The following SESN2 variants were observed in gnomAD, a reference collection of about 807,000 sequenced individuals.
SESN2 encodes sestrin-2.
In SESN2, 42 loss-of-function variants were observed where a neutral mutation model predicts 56.0. That is an observed-to-expected ratio of 0.75 (90% CI 0.59 to 0.97). The LOEUF is 0.97. Ranked by LOEUF, SESN2 falls within the 50% of genes least tolerant of loss-of-function variation. The pLI is 0.00. For missense variants in SESN2, 507 were observed against 649.4 expected, an observed-to-expected ratio of 0.78 and a Z score of 2.38; for synonymous variants, 264 against 267.1, an observed-to-expected ratio of 0.99 and a Z score of 0.11.
chr1:28,272,691 C>T lies in SESN2; in HGVS notation c.648C>T (p.Ile216=), dbSNP rs1189771675. 5.6e-6 allele frequency: 9 copies of T among 1,613,858 alleles called. No homozygotes were observed. In the African/African-American group the frequency reaches 1.2e-4, roughly 22 times the overall value. Residue 216 remains isoleucine, a synonymous_variant, in exon 5 of 10, where the codon ATC becomes ATT. Coordinates refer to ENST00000253063, the MANE Select transcript of SESN2 (RefSeq NM_031459.5). ...CCTCCTTCGTGTTTGGCTGTGGCAT[C>T]CTCCCTGAGGGGGATGCAGATGGCA... ...SLSSFVFGCG[I]LPEGDADGSP...
rs1229757667 is a variant in SESN2 at position 28,279,157 on chromosome 1, T to C, written c.1272T>C (p.Tyr424=). Residue 424 remains tyrosine (Y), a synonymous_variant, in exon 9 of 10, where the codon TAT becomes TAC. Transcript: ENST00000253063. Reference sequence around the variant, plus strand: ...TCCTGGAGCGGAACCTCAAGGTCTATATCAAGACAGTGGCCTGCTACCCAG... The same window carrying C: ...TCCTGGAGCGGAACCTCAAGGTCTACATCAAGACAGTGGCCTGCTACCCAG... ...NQLLERNLKV[Y]IKTVACYPEK... 13 of 1,614,160 alleles carry C rather than the reference T, an allele frequency of 8.1e-6. No individual in the cohort carries two copies. Among genetic ancestry groups the C allele is most frequent in the East Asian group, 2.2e-5 (1 of 44,886 alleles).
intron 2 of SESN2, among the ~76,000 whole-genome samples, chr1:28,270,498 ATTAT>A (rs1159068389): frequency 6.6e-6 from 1 of 151,974 alleles, no homozygotes. Flanking sequence ...CCACTTGCCG[ATTAT>A]TTATGTCTGT....
chr1:28,268,377 AAGAAG>A (rs1445417586), intron 1 of SESN2, among the ~76,000 whole-genome samples: 4 of 152,036 alleles, frequency 2.6e-5, no homozygotes, highest in Non-Finnish European at 5.9e-5. Flanking sequence ...TGCACCACTA[AAGAAG>A]AGGCCAGGCG....
In SESN2 at chr1:28,269,239, C is replaced by G. The variant is rs760639185; in HGVS notation, c.147C>G (p.Pro49=). Residue 49 remains proline, a synonymous_variant, in exon 2 of 10, where the codon CCC becomes CCG. Transcript: ENST00000253063. ...RGPRGPSAFI[P]VEEVLREGAE... The stretch of plus-strand genomic sequence containing the variant: ...CTCGAGGGCCCAGCGCCTTCATCCC[C>G]GTGGAGGAGGTAAGCTTGGAAGGGG... The G allele has an allele frequency of 6.2e-7, 1 of 1,611,292 alleles. No individual in the cohort carries two copies. The highest frequency in any genetic ancestry group is 8.5e-7 in the Non-Finnish European group (1 of 1,178,538).
At chr1:28,273,093 CTG>C (rs1490113183) in intron 5 of SESN2, among the ~76,000 whole-genome samples, 1 of 152,318 alleles carries the variant, frequency 6.6e-6, no homozygotes, top group East Asian at 1.9e-4. Context: ...ACCTTTTACT[CTG>C]TAATGTGGCC....
intron 1 of SESN2, 61 bp from the exon 2 acceptor site, chr1:28,269,122 A>G (rs1020609190): frequency 2.5e-6 from 3 of 1,220,094 alleles, no homozygotes; most frequent in East Asian, 2.4e-5. Flanking sequence ...GAGGCTGGAT[A>G]GGTAATAATC....
At chr1:28,279,959 C>T (rs887542979) in intron 9 of SESN2, among the ~76,000 whole-genome samples, 1 of 151,944 alleles carries the variant, frequency 6.6e-6, no homozygotes, top group Non-Finnish European at 1.5e-5. Flanking sequence ...GCTCAAGTGT[C>T]CTCCCAACTC....
In SESN2 at chr1:28,271,654, T is replaced by C; in HGVS notation, c.157-20T>C. On this transcript the variant is annotated intron_variant, in intron 2 of 9. Coordinates refer to ENST00000253063, the MANE Select transcript of SESN2 (RefSeq NM_031459.5). ...TGGGGCAGGAGGGAAACCCATGCTC[T>C]CCTCCCCTTTGGTTGGCAGGTCCTT... 1 of 1,605,904 alleles carries C rather than the reference T, an allele frequency of 6.2e-7. No individual in the cohort carries two copies. The highest frequency in any genetic ancestry group is 1.7e-5 in the Admixed American group (1 of 60,008).
intron 1 of SESN2, among the ~76,000 whole-genome samples, chr1:28,267,230 T>G (rs1158197519): frequency 6.6e-6 from 1 of 152,174 alleles, no homozygotes; most frequent in Admixed American, 6.5e-5. Flanking sequence ...ACGCTGAACT[T>G]GGACCAGCCT....
Position 28,273,301 on chromosome 1 carries a change from GCTTCC to G in SESN2, c.751-55_751-51del. 2.0e-6 allele frequency: 3 copies of G among 1,480,780 alleles called. No individual in the cohort carries two copies. The East Asian group carries it at 7.0e-5, about 34-fold the overall frequency. The allele number at this position is 1,480,780 out of a possible 1,614,324, so 91.7% of individuals were successfully genotyped here. A position where few individuals can be genotyped will look rare whatever the true frequency, so the allele number is the denominator to read the frequency against. ...CTGGCCTCTGGGAAGGATGAGTGGA[GCTTCC>G]CAGAGGCTGAAGGAGGAGGAGTAGC... On this transcript the variant is annotated intron_variant, in intron 5 of 9. Transcript: ENST00000253063.
chr1:28,270,467 T>A (rs757106296), intron 2 of SESN2, among the ~76,000 whole-genome samples: 1 of 152,212 alleles, frequency 6.6e-6, no homozygotes, highest in Non-Finnish European at 1.5e-5. Context: ...CTCTACTCCT[T>A]TGTAAATATA....
chr1:28,282,396 A>G lies in SESN2; in HGVS notation c.*1594A>G, dbSNP rs1310866055. On this transcript the variant is annotated 3_prime_UTR_variant, in exon 10 of 10. Transcript: ENST00000253063. Reference sequence around the variant, plus strand: ...GACTGTAAATGTTCACTGGGTGGGTAGGGAGTGGTATCCAGTGTTCAAGTG... The same window carrying G: ...GACTGTAAATGTTCACTGGGTGGGTGGGGAGTGGTATCCAGTGTTCAAGTG... 1.3e-5 allele frequency: 2 copies of G among 152,296 alleles called. No homozygotes were observed. Among genetic ancestry groups the G allele is most frequent in the Non-Finnish European group, 2.9e-5 (2 of 68,078 alleles). The allele number at this position is 152,296 out of a possible 1,614,324, so 9.4% of individuals were successfully genotyped here. A position where few individuals can be genotyped will look rare whatever the true frequency, so the allele number is the denominator to read the frequency against.
At chr1:28,261,998 C>G (rs1647389851) in intron 1 of SESN2, among the ~76,000 whole-genome samples, 1 of 152,150 alleles carries the variant, frequency 6.6e-6, no homozygotes. Context: ...CCAGGCTGAT[C>G]TTGAACTCCT....
At position 28,281,827 on chromosome 1, in the gene SESN2, A is replaced by G. The variant is rs10494394; in HGVS notation, c.*1025A>G. ...GCCAGGTGACCATGGCTACATTGCC[A>G]AACCTCTGACTGCCACAGCTGCAGA... On this transcript the variant is annotated 3_prime_UTR_variant, in exon 10 of 10. Transcript: ENST00000253063. The G allele has an allele frequency of 0.029, 4,455 of 152,258 alleles. 102 individuals are homozygous for G. The highest frequency in any genetic ancestry group is 0.05 in the Non-Finnish European group (3,402 of 68,042). 9.4% of individuals were successfully genotyped at this position (152,258 alleles called of 1,614,324 possible).
chr1:28,279,075 C>G, intron 8 of SESN2, 22 bp from the exon 9 acceptor site: 1 of 1,613,474 alleles, frequency 6.2e-7, no homozygotes, highest in Non-Finnish European at 8.5e-7. Context: ...ATGAGTAATG[C>G]TGCTGGGACC....
intron 8 of SESN2, among the ~76,000 whole-genome samples, chr1:28,276,736 C>T (rs1291838961): frequency 2.0e-5 from 3 of 150,768 alleles, no homozygotes; most frequent in African/African-American, 7.3e-5. Flanking sequence ...TGTGCCACCA[C>T]GCCCAGCTAA....
At chr1:28,267,896 T>C (rs979466162) in intron 1 of SESN2, among the ~76,000 whole-genome samples, 1 of 152,164 alleles carries the variant, frequency 6.6e-6, no homozygotes, top group Non-Finnish European at 1.5e-5. Context: ...CCACTAAATG[T>C]GATCTGGTGT....
At chr1:28,270,212 G>A (rs886123077) in intron 2 of SESN2, among the ~76,000 whole-genome samples, 5 of 152,108 alleles carry the variant, frequency 3.3e-5, no homozygotes, top group Non-Finnish European at 5.9e-5. Flanking sequence ...TTAGCCAGGC[G>A]TGGTGGCGGG....
At chr1:28,274,764 G>A in intron 7 of SESN2, 61 bp from the exon 8 acceptor site, 1 of 1,296,388 alleles carries the variant, frequency 7.7e-7, no homozygotes, top group Non-Finnish European at 1.1e-6. Context: ...CCAGAGGATG[G>A]GGGTCTCTCT....
Sources: allele counts gnomAD v4.1 joint callset (sites outside exome capture counted in the v4.1 genomes callset), GRCh38; gene constraint gnomAD v4.1.1; transcripts MANE v1.5; gene names NCBI Gene and HGNC (gene_info 2026-07-23, HGNC 2026-07-21).